The following TBC1D32 variants were observed in gnomAD, a reference collection of about 807,000 sequenced individuals.
TBC1D32 encodes the protein protein broad-minded.
A neutral mutation model predicts 170.3 loss-of-function variants in TBC1D32; 151 were observed. The ratio of observed to expected loss-of-function variants is 0.89; its 90% CI spans 0.78 to 1.01. The LOEUF (loss-of-function observed/expected upper bound fraction) is 1.01, where lower values mean the gene tolerates loss of function less well. Ranked by LOEUF, TBC1D32 falls within the 50% of genes least tolerant of loss-of-function variation. The probability of loss-of-function intolerance (pLI) is 0.00; values close to 1 mark genes in which losing one functional copy is unlikely to be tolerated. For synonymous variants in TBC1D32, 498 were observed against 488.0 expected (o/e 1.02, Z -0.27); for missense variants, 1,464 against 1,457.1 (o/e 1.00, Z -0.08).
chr6:121,310,885 G>A (rs78067941), intron 3 of TBC1D32, 38 bp from the exon 4 acceptor site: 28,893 of 1,170,134 alleles, frequency 0.025, 1,252 homozygotes, highest in East Asian at 0.14. Flanking sequence ...TTATTTAGAA[G>A]GCTTTTAGAA....
chr6:121,308,370 T>A (rs1251355650), intron 4 of TBC1D32, among the ~76,000 whole-genome samples: 1 of 151,896 alleles, frequency 6.6e-6, no homozygotes, highest in African/African-American at 2.4e-5. Context: ...CTAAGAGGAA[T>A]GGGAGGAAGA....
At chr6:121,189,421 T>A (rs1458042808) in intron 22 of TBC1D32, among the ~76,000 whole-genome samples, 1 of 151,114 alleles carries the variant, frequency 6.6e-6, no homozygotes, top group Non-Finnish European at 1.5e-5. Flanking sequence ...TAATATTGTA[T>A]TAGTATAATT....
At chr6:121,178,623 G>A (rs1443246126) in intron 22 of TBC1D32, among the ~76,000 whole-genome samples, 1 of 152,140 alleles carries the variant, frequency 6.6e-6, no homozygotes, top group African/African-American at 2.4e-5. Context: ...ATGTTCTTGT[G>A]TGATCCCCTT....
At chr6:121,132,330 T>C (rs751755122) in intron 24 of TBC1D32, among the ~76,000 whole-genome samples, 1 of 151,964 alleles carries the variant, frequency 6.6e-6, no homozygotes, top group Admixed American at 6.6e-5. Context: ...TGTTTCTCTA[T>C]AAAGAAAATG....
rs145567916 is a variant in TBC1D32 at position 121,243,236 on chromosome 6, A to C, written c.2019-897T>G. Reference sequence around the variant, plus strand: ...AATGTAAAAAAAACTAAACTCACCTAATAAAAAATATAGAGAAATTTGGAG... The same window carrying C: ...AATGTAAAAAAAACTAAACTCACCTCATAAAAAATATAGAGAAATTTGGAG... On this transcript the variant is annotated intron_variant, in intron 17 of 31. Transcript: ENST00000398212. 3.7e-3 allele frequency among the ~76,000 whole-genome samples: 557 copies of C among 152,214 alleles called. 4 individuals are homozygous for C. The highest frequency in any genetic ancestry group is 5.4e-3 in the Non-Finnish European group (369 of 67,986).
At chr6:121,185,049 G>GTT (rs36002031) in intron 22 of TBC1D32, among the ~76,000 whole-genome samples, 2,186 of 146,814 alleles carry the variant, frequency 0.015, 43 homozygotes, top group African/African-American at 0.05. Flanking sequence ...TATTCTGTAA[G>GTT]TTTTTTTTTT....
intron 15 of TBC1D32, among the ~76,000 whole-genome samples, chr6:121,270,779 G>T (rs574691164): frequency 6.6e-6 from 1 of 152,250 alleles, no homozygotes; most frequent in South Asian, 2.1e-4. Flanking sequence ...GCATCATCCT[G>T]ATACTAAAGC....
Position 121,307,833 on chromosome 6 carries a change from G to C in TBC1D32, c.690+143C>G, listed in dbSNP as rs1415103412. 7 of 902,326 alleles carry C rather than the reference G, an allele frequency of 7.8e-6. No individual in the cohort carries two copies. The African/African-American group carries it at 8.5e-5, about 11-fold the overall frequency. 55.9% of individuals were successfully genotyped at this position (902,326 alleles called of 1,614,324 possible). On this transcript the variant is annotated intron_variant, in intron 5 of 31. Coordinates refer to ENST00000398212, the MANE Select transcript of TBC1D32 (RefSeq NM_152730.6). ...GCCAAGGTAGTACCAGTGCACTCCA[G>C]CCTGGGCAAAAAGAGTGAAACTCGG... is the stretch of plus-strand genomic sequence containing the variant.
At chr6:121,157,158 C>T (rs1251376606) in intron 24 of TBC1D32, among the ~76,000 whole-genome samples, 1 of 152,062 alleles carries the variant, frequency 6.6e-6, no homozygotes, top group Non-Finnish European at 1.5e-5. Context: ...TTTCCAGTGT[C>T]AAGAAAAACT....
At chr6:121,118,935 A>G (rs1779964198) in intron 26 of TBC1D32, among the ~76,000 whole-genome samples, 1 of 152,120 alleles carries the variant, frequency 6.6e-6, no homozygotes. Context: ...ATTTGGGAAA[A>G]ATAGCATTTC....
At chr6:121,154,371 T>G (rs533093686) in intron 24 of TBC1D32, among the ~76,000 whole-genome samples, 1 of 152,288 alleles carries the variant, frequency 6.6e-6, no homozygotes, top group Non-Finnish European at 1.5e-5. Context: ...CAGTTGGAAG[T>G]GCAGAAATCA....
intron 31 of TBC1D32, among the ~76,000 whole-genome samples, chr6:121,082,493 G>A (rs1419878301): frequency 1.3e-5 from 2 of 151,792 alleles, no homozygotes; most frequent in African/African-American, 4.8e-5. Flanking sequence ...AGATGGGGAG[G>A]GATTATGGTA....
intron 11 of TBC1D32, among the ~76,000 whole-genome samples, chr6:121,294,265 G>A (rs1805291436): frequency 1.3e-5 from 2 of 152,228 alleles, no homozygotes; most frequent in South Asian, 4.1e-4. Flanking sequence ...TATTGAAGGG[G>A]AAAGGATGGA....
intron 27 of TBC1D32, among the ~76,000 whole-genome samples, chr6:121,113,918 G>A (rs762876019): frequency 5.3e-5 from 8 of 152,062 alleles, no homozygotes; most frequent in Admixed American, 2.6e-4. Flanking sequence ...GCTCACACCC[G>A]TAATCCCAGA....
chr6:121,310,577 C>G (rs565016529), intron 4 of TBC1D32, among the ~76,000 whole-genome samples: 1 of 152,260 alleles, frequency 6.6e-6, no homozygotes, highest in Admixed American at 6.5e-5. Flanking sequence ...TTCCAAACCA[C>G]GACAATTCTC....
At chr6:121,252,812 A>C (rs1798469406) in intron 17 of TBC1D32, among the ~76,000 whole-genome samples, 2 of 152,210 alleles carry the variant, frequency 1.3e-5, no homozygotes, top group Non-Finnish European at 2.9e-5. Flanking sequence ...AAATACTTAC[A>C]GCCAACTGAT....
intron 3 of TBC1D32, among the ~76,000 whole-genome samples, chr6:121,316,840 A>T (rs1214462206): frequency 6.6e-6 from 1 of 151,992 alleles, no homozygotes. Flanking sequence ...TAAAAATACC[A>T]GGTGAGATCG....
intron 24 of TBC1D32, among the ~76,000 whole-genome samples, chr6:121,157,130 T>C (rs1785002656): frequency 6.6e-6 from 1 of 152,114 alleles, no homozygotes; most frequent in Admixed American, 6.6e-5. Context: ...CACTATAATT[T>C]AGGGGCTATA....
At chr6:121,198,996 T>A (rs1229348323) in intron 22 of TBC1D32, among the ~76,000 whole-genome samples, 1 of 151,402 alleles carries the variant, frequency 6.6e-6, no homozygotes, top group Non-Finnish European at 1.5e-5. Context: ...AATAAATATT[T>A]TCTGAATGAA....
Sources: allele counts gnomAD v4.1 joint callset (sites outside exome capture counted in the v4.1 genomes callset), GRCh38; gene constraint gnomAD v4.1.1; transcripts MANE v1.5; gene names NCBI Gene and HGNC (gene_info 2026-07-23, HGNC 2026-07-21).